MBTD1: variants seen among roughly 807,000 people sequenced by gnomAD.
MBTD1 encodes mbt domain containing 1, also known as MBT domain-containing protein 1.
MBTD1 carries 24 observed loss-of-function variants against 87.8 expected under a neutral mutation model. That is an observed-to-expected ratio of 0.27 (90% CI 0.20 to 0.38). The LOEUF (loss-of-function observed/expected upper bound fraction) is 0.38, where lower values mean the gene tolerates loss of function less well. MBTD1 is among the 10% of genes least tolerant of loss of function. The pLI is 1.00. For missense variants in MBTD1, 436 were observed against 760.2 expected, an observed-to-expected ratio of 0.57 and a Z score of 5.02; for synonymous variants, 237 against 248.6, an observed-to-expected ratio of 0.95 and a Z score of 0.44.
intron 2 of MBTD1, among the ~76,000 whole-genome samples, chr17:51,244,327 T>C (rs76684219): frequency 0.019 from 2,837 of 152,324 alleles, 64 homozygotes; most frequent in African/African-American, 0.046. Context: ...TTCTATTTTT[T>C]TCCCAGTGGT....
intron 12 of MBTD1, among the ~76,000 whole-genome samples, chr17:51,197,381 T>G (rs1184084325): frequency 6.6e-6 from 1 of 151,858 alleles, no homozygotes; most frequent in Non-Finnish European, 1.5e-5. Context: ...TTCATAGTTT[T>G]ACTTGTTGAA....
chr17:51,205,015 C>T (rs1356306643), intron 7 of MBTD1, among the ~76,000 whole-genome samples: 1 of 152,116 alleles, frequency 6.6e-6, no homozygotes, highest in Admixed American at 6.5e-5. Context: ...GGAAGGCTTA[C>T]TCTTGGAAAG....
chr17:51,202,648 T>C, intron 10 of MBTD1, 53 bp downstream of exon 10: 2 of 1,326,846 alleles, frequency 1.5e-6, no homozygotes, highest in Non-Finnish European at 1.1e-6. Context: ...AACCAACTAG[T>C]ATAATCAGCC....
chr17:51,196,991 C>T (rs1352507192), intron 12 of MBTD1, among the ~76,000 whole-genome samples: 7 of 143,988 alleles, frequency 4.9e-5, no homozygotes, highest in South Asian at 2.2e-4. Flanking sequence ...TTACATACCA[C>T]GCAACTCCTT....
chr17:51,260,139 C>T (rs752781542), upstream of MBTD1: 17 of 365,724 alleles, frequency 4.6e-5, no homozygotes, highest in East Asian at 8.6e-5. Flanking sequence ...TCGCTTCCAC[C>T]GTGGGACCCT....
chr17:51,217,602 C>G (rs1185870244), intron 5 of MBTD1, among the ~76,000 whole-genome samples, 186 bp from the exon 6 acceptor site: 2 of 152,074 alleles, frequency 1.3e-5, no homozygotes, highest in African/African-American at 4.8e-5. Flanking sequence ...TATTTGCAAA[C>G]AAACAGGAGT....
intron 8 of MBTD1, 78 bp downstream of exon 8, chr17:51,203,713 C>T: frequency 3.4e-6 from 5 of 1,475,414 alleles, no homozygotes; most frequent in South Asian, 1.2e-5. Flanking sequence ...TTCCATATTA[C>T]TCTAACATTA....
intron 16 of MBTD1, among the ~76,000 whole-genome samples, chr17:51,182,014 C>G (rs939850424): frequency 6.6e-6 from 1 of 152,058 alleles, no homozygotes; most frequent in Non-Finnish European, 1.5e-5. Context: ...CCACTTGAAT[C>G]TAGTCCCGTG....
At chr17:51,200,042 G>A (rs933964265) in intron 12 of MBTD1, among the ~76,000 whole-genome samples, 13 of 152,136 alleles carry the variant, frequency 8.5e-5, no homozygotes, top group Non-Finnish European at 1.5e-4. Context: ...AGCCAGGATG[G>A]TCTTGATATC....
In MBTD1 at chr17:51,193,434, A is replaced by G; in HGVS notation, c.1449T>C (p.Phe483=). Residue 483 remains phenylalanine (F), a synonymous_variant, in exon 14 of 17, where the codon TTT becomes TTC. Coordinates refer to ENST00000586178, the MANE Select transcript of MBTD1 (RefSeq NM_017643.3). ...TGSIAAPVKL[F]NKDVPNHGFR... Reference sequence around the variant, plus strand: ...TGCTGCCATTTAAATTTACCTTATTAAATAGTTTTACTGGTGCTGCAATGG... The same window carrying G: ...TGCTGCCATTTAAATTTACCTTATTGAATAGTTTTACTGGTGCTGCAATGG... The G allele has an allele frequency of 2.5e-6, 4 of 1,608,668 alleles. No individual in the cohort carries two copies. The highest frequency in any genetic ancestry group is 3.4e-6 in the Non-Finnish European group (4 of 1,176,756).
intron 16 of MBTD1, among the ~76,000 whole-genome samples, chr17:51,189,964 G>A (rs1473741635): frequency 6.6e-6 from 1 of 152,218 alleles, no homozygotes; most frequent in African/African-American, 2.4e-5. Flanking sequence ...GGAGGCTTGT[G>A]CCTATAAACG....
intron 2 of MBTD1, among the ~76,000 whole-genome samples, chr17:51,231,783 T>C (rs534553502): frequency 6.6e-6 from 1 of 151,810 alleles, no homozygotes; most frequent in Non-Finnish European, 1.5e-5. Flanking sequence ...TTTATTCTAT[T>C]TAGGCAATGT....
At chr17:51,241,698 G>A (rs957060569) in intron 2 of MBTD1, among the ~76,000 whole-genome samples, 3 of 152,068 alleles carry the variant, frequency 2.0e-5, no homozygotes, top group African/African-American at 4.8e-5. Flanking sequence ...CAAGTAGCTG[G>A]GATTACAGGT....
rs140248571 is a variant in MBTD1 at position 51,226,705 on chromosome 17, C to T, written c.-48-1496G>A. 7.8e-3 allele frequency among the ~76,000 whole-genome samples: 1,180 copies of T among 151,106 alleles called. 16 individuals carry two copies. Among genetic ancestry groups the T allele is most frequent in the African/African-American group, 0.027 (1,121 of 41,278 alleles). ...GGAGTGCAGTGGTATGATCTCAGCT[C>T]ACTGCAATCTCCATCTCCCAGGCTC... is the stretch of plus-strand genomic sequence containing the variant. On this transcript the variant is annotated intron_variant, in intron 2 of 16. Coordinates refer to ENST00000586178, the MANE Select transcript of MBTD1 (RefSeq NM_017643.3).
rs1467352767 is a variant in MBTD1, at chr17:51,178,548, T to A, written c.*2028A>T. On this transcript the variant is annotated 3_prime_UTR_variant, in exon 17 of 17. Transcript: ENST00000586178. Reference sequence around the variant, plus strand: ...GGCAGAGTACACTACACAACAGGCTTCTTGTGCCTGTGCTGTGGAATTAGT... The same window carrying A: ...GGCAGAGTACACTACACAACAGGCTACTTGTGCCTGTGCTGTGGAATTAGT... 2 of 152,206 alleles carry A rather than the reference T, an allele frequency of 1.3e-5. No individual in the cohort carries two copies. The highest frequency in any genetic ancestry group is 4.8e-5 in the African/African-American group (2 of 41,452). The allele number at this position is 152,206 out of a possible 1,614,324, so 9.4% of individuals were successfully genotyped here. A position where few individuals can be genotyped will look rare whatever the true frequency, so the allele number is the denominator to read the frequency against.
intron 2 of MBTD1, among the ~76,000 whole-genome samples, chr17:51,256,087 G>A (rs918906581): frequency 6.6e-6 from 1 of 152,164 alleles, no homozygotes; most frequent in Non-Finnish European, 1.5e-5. Flanking sequence ...CTAGTAGTAG[G>A]AATTAAACAT....
chr17:51,212,454 T>G (rs1293550745), intron 6 of MBTD1, among the ~76,000 whole-genome samples: 3 of 148,752 alleles, frequency 2.0e-5, no homozygotes, highest in African/African-American at 5.1e-5. Flanking sequence ...TTTTTTTTTT[T>G]GGTACAAACT....
chr17:51,259,237 G>C (rs2055292803), intron 1 of MBTD1, 31 bp from the exon 2 acceptor site: 2 of 1,230,800 alleles, frequency 1.6e-6, no homozygotes, highest in Admixed American at 4.2e-5. Flanking sequence ...TTTCACAAAG[G>C]AGAACGCAAT....
chr17:51,215,129 G>T (rs146747269), intron 6 of MBTD1, among the ~76,000 whole-genome samples: 1,810 of 152,298 alleles, frequency 0.012, 14 homozygotes, highest in Non-Finnish European at 0.019. Context: ...GAGGTAAATG[G>T]AACAGGAAGG....
Sources: allele counts gnomAD v4.1 joint callset (sites outside exome capture counted in the v4.1 genomes callset), GRCh38; gene constraint gnomAD v4.1.1; transcripts MANE v1.5; gene names NCBI Gene and HGNC (gene_info 2026-07-23, HGNC 2026-07-21).